PTPN22: variants seen among roughly 807,000 people sequenced by gnomAD.
The protein encoded by PTPN22 is tyrosine-protein phosphatase non-receptor type 22.
A neutral mutation model predicts 103.3 loss-of-function variants in PTPN22; 85 were observed. That is an observed-to-expected ratio of 0.82 (90% CI 0.69 to 0.99). The LOEUF is 0.99. Ranked by LOEUF, PTPN22 falls within the 50% of genes least tolerant of loss-of-function variation. The pLI is 0.00. For synonymous variants in PTPN22, 323 were observed against 310.2 expected, an observed-to-expected ratio of 1.04 and a Z score of -0.43; for missense variants, 865 against 936.9, an observed-to-expected ratio of 0.92 and a Z score of 1.00.
intron 1 of PTPN22, among the ~76,000 whole-genome samples, chr1:113,869,587 G>A (rs1666407238): frequency 6.6e-6 from 1 of 152,012 alleles, no homozygotes; most frequent in African/African-American, 2.4e-5. Flanking sequence ...TAGAAATGGG[G>A]TTTCATTATG....
intron 15 of PTPN22, among the ~76,000 whole-genome samples, 178 bp downstream of exon 15, chr1:113,834,131 A>G (rs1363485669): frequency 6.6e-6 from 1 of 152,228 alleles, no homozygotes; most frequent in East Asian, 1.9e-4. Context: ...CTAGACAAGA[A>G]GCTTCTTACA....
At chr1:113,835,261 G>A (rs966773704) in intron 13 of PTPN22, among the ~76,000 whole-genome samples, 7 of 152,198 alleles carry the variant, frequency 4.6e-5, no homozygotes, top group African/African-American at 9.6e-5. Flanking sequence ...GCTCACGCCT[G>A]TAATCCCAGC....
At chr1:113,836,247 A>G (rs1014884641) in intron 13 of PTPN22, among the ~76,000 whole-genome samples, 1 of 152,232 alleles carries the variant, frequency 6.6e-6, no homozygotes, top group African/African-American at 2.4e-5. Context: ...AAACTTGTTC[A>G]TTGCTTTCCC....
chr1:113,861,007 T>C (rs1665534479), intron 1 of PTPN22, among the ~76,000 whole-genome samples: 1 of 152,174 alleles, frequency 6.6e-6, no homozygotes, highest in Non-Finnish European at 1.5e-5. Flanking sequence ...CCTTCACTGC[T>C]ACCTTCAACA....
intron 1 of PTPN22, chr1:113,864,188 A>G (rs1345229290): frequency 1.2e-5 from 5 of 433,186 alleles, no homozygotes; most frequent in Non-Finnish European, 2.3e-5. Flanking sequence ...TGGTGCTAAT[A>G]AGAACTTACA....
intron 1 of PTPN22, 58 bp from the exon 2 acceptor site, chr1:113,859,518 C>T: frequency 7.4e-7 from 1 of 1,352,668 alleles, no homozygotes; most frequent in South Asian, 1.2e-5. Flanking sequence ...AAGAAGCTAT[C>T]TCTAAAGAGC....
intron 13 of PTPN22, among the ~76,000 whole-genome samples, chr1:113,836,060 C>T (rs1662989243): frequency 6.6e-6 from 1 of 151,898 alleles, no homozygotes; most frequent in Non-Finnish European, 1.5e-5. Context: ...AATCTAATCA[C>T]AGAAGGAACA....
intron 13 of PTPN22, among the ~76,000 whole-genome samples, chr1:113,836,666 A>G (rs1293042161): frequency 6.6e-6 from 1 of 151,872 alleles, no homozygotes; most frequent in Non-Finnish European, 1.5e-5. Flanking sequence ...GGTGGCTTGC[A>G]CCTGTAATCC....
intron 11 of PTPN22, among the ~76,000 whole-genome samples, chr1:113,848,236 G>A (rs185903101): frequency 6.6e-6 from 1 of 151,148 alleles, no homozygotes; most frequent in East Asian, 2.0e-4. Context: ...TTTTGGAGAT[G>A]GGGTTCACCA....
exon 13 of PTPN22, chr1:113,837,724 C>T: frequency 6.2e-7 from 1 of 1,611,758 alleles, no homozygotes; most frequent in South Asian, 1.1e-5. Flanking sequence ...AAAAACAGTT[C>T]CATCTTGCTT....
At chr1:113,815,740 G>A (rs1167363698) in intron 20 of PTPN22, among the ~76,000 whole-genome samples, 5 of 152,046 alleles carry the variant, frequency 3.3e-5, no homozygotes, top group African/African-American at 1.2e-4. Context: ...GTGCAGTGGC[G>A]CGATCTCGGC....
intron 16 of PTPN22, among the ~76,000 whole-genome samples, chr1:113,831,810 C>T (rs1182227319): frequency 6.6e-6 from 1 of 152,188 alleles, no homozygotes; most frequent in Non-Finnish European, 1.5e-5. Flanking sequence ...CTTAGTGGTT[C>T]CACGTGAGTA....
chr1:113,847,356 T>C (rs1186907088), intron 11 of PTPN22, among the ~76,000 whole-genome samples: 1 of 151,882 alleles, frequency 6.6e-6, no homozygotes, highest in African/African-American at 2.4e-5. Context: ...GTTTTAACTA[T>C]GTTTTTAATT....
At chr1:113,856,419 T>A in exon 7 of PTPN22, 1 of 1,592,298 alleles carries the variant, frequency 6.3e-7, no homozygotes. Flanking sequence ...GATTATATAA[T>A]CAGATTTCCT....
intron 7 of PTPN22, 51 bp from the exon 8 acceptor site, chr1:113,855,100 C>T (rs1664930285): frequency 5.3e-6 from 8 of 1,500,292 alleles, no homozygotes; most frequent in Middle Eastern, 1.7e-4. Context: ...GCTGAAAAAC[C>T]ACCTATTGGG....
chr1:113,840,166 G>A (rs1044729286), intron 11 of PTPN22, among the ~76,000 whole-genome samples: 2 of 149,172 alleles, frequency 1.3e-5, no homozygotes, highest in African/African-American at 5.0e-5. Flanking sequence ...AGCCGAGATC[G>A]TACCACTGCA....
rs202143877 is a variant in PTPN22 at position 113,837,871 on chromosome 1, C to T, written c.1529G>A (p.Arg510His). The change falls in exon 13 of 21, where the codon CGT becomes CAT. Residue 510 changes from arginine to histidine, a missense_variant. This residue lies in a region of PTPN22 where 401 missense variants were observed against 388.6 expected (regional missense o/e 1.03). Transcript: ENST00000359785. ...ATGGTGCTTTACATTAGAGGCATTA[C>T]GTATTTGGTGTTTAGAGTCATATGG... 8.9e-5 allele frequency: 143 copies of T among 1,613,958 alleles called. No individual in the cohort carries two copies. The highest frequency in any genetic ancestry group is 3.3e-4 in the Middle Eastern group (2 of 6,084).
chr1:113,870,454 A>G (rs950296192), intron 1 of PTPN22, among the ~76,000 whole-genome samples: 12 of 152,174 alleles, frequency 7.9e-5, no homozygotes, highest in African/African-American at 2.9e-4. Flanking sequence ...TAGACACCCT[A>G]TGTTATCTGA....
chr1:113,815,061 A>T (rs1311100209), intron 20 of PTPN22, 92 bp from the exon 21 acceptor site: 1 of 893,422 alleles, frequency 1.1e-6, no homozygotes, highest in Non-Finnish European at 1.7e-6. Context: ...ATATATGCAA[A>T]TACATGGTCT....
Sources: gnomAD v4.1 joint callset for allele counts (sites outside exome capture counted in the v4.1 genomes callset) on GRCh38, gnomAD v4.1.1 for gene constraint, gnomAD v4.1.1 regional missense constraint, MANE v1.5 for transcripts, NCBI Gene and HGNC (gene_info 2026-07-23, HGNC 2026-07-21) for gene names.